Variants in LCA5 observed in about 807,000 individuals in gnomAD.
The protein encoded by LCA5 is lebercilin LCA5, also known as lebercilin.
Under a neutral mutation model 53.0 loss-of-function variants are expected in LCA5, and 37 were observed. The ratio of observed to expected loss-of-function variants is 0.70; its 90% CI spans 0.54 to 0.92. The LOEUF (loss-of-function observed/expected upper bound fraction) is 0.92, where lower values mean the gene tolerates loss of function less well. Ranked by LOEUF, LCA5 falls within the 40% of genes least tolerant of loss-of-function variation. The probability of loss-of-function intolerance (pLI) is 0.00; values close to 1 mark genes in which losing one functional copy is unlikely to be tolerated. For missense variants in LCA5, 806 were observed against 790.5 expected (o/e 1.02, Z -0.23); for synonymous variants, 303 against 282.9 (o/e 1.07, Z -0.71).
rs762961192 is a variant in LCA5 at position 79,486,532 on chromosome 6, T to C, written c.*472A>G. On this transcript the variant is annotated 3_prime_UTR_variant, in exon 8 of 8. Coordinates refer to ENST00000369846, the MANE Select transcript of LCA5 (RefSeq NM_001122769.3). ...CGTAAGATAGGGACCCCTGGCCCTA[T>C]CCATAAAGGGAAGGGCTCCTAAGAA... is the stretch of plus-strand genomic sequence containing the variant. 4 of 157,870 alleles carry C rather than the reference T, an allele frequency of 2.5e-5. No homozygotes were observed. The highest frequency in any genetic ancestry group is 4.2e-5 in the Non-Finnish European group (3 of 72,204). The allele number at this position is 157,870 out of a possible 1,614,324, so 9.8% of individuals were successfully genotyped here.
chr6:79,499,850 C>T (rs2127672704), intron 3 of LCA5, among the ~76,000 whole-genome samples: 1 of 151,382 alleles, frequency 6.6e-6, no homozygotes, highest in East Asian at 1.9e-4. Context: ...CCCCCACTCC[C>T]CCCACCCCAC....
chr6:79,524,765 A>C (rs192284383), intron 1 of LCA5, among the ~76,000 whole-genome samples: 1 of 152,120 alleles, frequency 6.6e-6, no homozygotes, highest in East Asian at 1.9e-4. Context: ...GTTATACTGA[A>C]ATTTCACAAG....
chr6:79,533,152 C>T (rs116210277), intron 1 of LCA5, among the ~76,000 whole-genome samples: 1 of 152,136 alleles, frequency 6.6e-6, no homozygotes, highest in Non-Finnish European at 1.5e-5. Flanking sequence ...AGGAATTTCA[C>T]CTGCAGTTAC....
intron 1 of LCA5, 34 bp from the exon 2 acceptor site, chr6:79,519,119 T>A (rs1258761276): frequency 5.2e-6 from 3 of 571,668 alleles, no homozygotes; most frequent in Non-Finnish European, 9.3e-6. Flanking sequence ...AGACTTATCA[T>A]ACAGTCTCTA....
At chr6:79,510,951 C>T (rs1770394744) in intron 3 of LCA5, among the ~76,000 whole-genome samples, 1 of 151,912 alleles carries the variant, frequency 6.6e-6, no homozygotes, top group African/African-American at 2.4e-5. Flanking sequence ...AACTGGACCA[C>T]TTATACACTA....
chr6:79,487,244 G>A lies in LCA5; in HGVS notation c.1854C>T (p.Ser618=), dbSNP rs1302589206. The A allele has an allele frequency of 2.5e-6, 4 of 1,613,936 alleles. No homozygotes were observed. Among genetic ancestry groups the A allele is most frequent in the Non-Finnish European group, 3.4e-6 (4 of 1,179,962 alleles). ...LFGASGSSTI[S]SKSSDPNSVA... is the part of the protein sequence containing the mutation. ...CAGAATTTGGGTCACTGCTTTTGGA[G>A]GAAATGGTGCTGCTACCACTGGCAC... Residue 618 remains serine (S), a synonymous_variant, in exon 8 of 8, where the codon TCC becomes TCT. Coordinates refer to ENST00000369846, the MANE Select transcript of LCA5 (RefSeq NM_001122769.3).
intron 3 of LCA5, among the ~76,000 whole-genome samples, chr6:79,506,858 T>C (rs943177117): frequency 5.3e-5 from 8 of 152,210 alleles, no homozygotes; most frequent in African/African-American, 1.9e-4. Context: ...GGAAAGTCTG[T>C]ATAACTCAAT....
At chr6:79,516,484 T>A (rs1037536879) in intron 2 of LCA5, among the ~76,000 whole-genome samples, 1 of 151,902 alleles carries the variant, frequency 6.6e-6, no homozygotes, top group African/African-American at 2.4e-5. Flanking sequence ...CTAATAAGAA[T>A]CAGGATAAAA....
At chr6:79,524,414 C>A (rs1766720892) in intron 1 of LCA5, among the ~76,000 whole-genome samples, 2 of 152,184 alleles carry the variant, frequency 1.3e-5, no homozygotes, top group South Asian at 4.1e-4. Context: ...ACACTTGTTA[C>A]TTTTCATACA....
intron 2 of LCA5, among the ~76,000 whole-genome samples, chr6:79,516,814 C>CT (rs1562108287): frequency 6.6e-6 from 1 of 151,544 alleles, no homozygotes; most frequent in African/African-American, 2.4e-5. Flanking sequence ...TAATATGACT[C>CT]TTTTTTTAAC....
At chr6:79,529,403 C>T (rs1433670523) in intron 1 of LCA5, among the ~76,000 whole-genome samples, 1 of 152,154 alleles carries the variant, frequency 6.6e-6, no homozygotes, top group Non-Finnish European at 1.5e-5. Context: ...TGTAACAAAC[C>T]GCAGGGCTCA....
chr6:79,519,625 G>A (rs1483351938), intron 1 of LCA5, among the ~76,000 whole-genome samples: 3 of 150,808 alleles, frequency 2.0e-5, no homozygotes, highest in Non-Finnish European at 2.9e-5. Context: ...GCTGAGGCAG[G>A]AGAATCGCTC....
intron 7 of LCA5, 45 bp from the exon 8 acceptor site, chr6:79,487,911 T>C (rs1220034805): frequency 1.4e-6 from 2 of 1,412,898 alleles, no homozygotes; most frequent in Non-Finnish European, 2.0e-6. Context: ...TAACAGTCAA[T>C]ATTTTTAAAT....
intron 2 of LCA5, among the ~76,000 whole-genome samples, chr6:79,517,996 C>T (rs1401686049): frequency 2.0e-5 from 3 of 151,916 alleles, no homozygotes. Context: ...CCTCATTTGC[C>T]TTATTTTTCT....
intron 1 of LCA5, among the ~76,000 whole-genome samples, chr6:79,531,607 C>T (rs1766961000): frequency 6.6e-6 from 1 of 152,180 alleles, no homozygotes; most frequent in Non-Finnish European, 1.5e-5. Context: ...ATTCACCTTC[C>T]CAAATCCATC....
At chr6:79,499,751 T>C (rs956034142) in intron 3 of LCA5, among the ~76,000 whole-genome samples, 2 of 151,624 alleles carry the variant, frequency 1.3e-5, no homozygotes, top group Admixed American at 6.6e-5. Context: ...ATGTGCAGGT[T>C]AGTTACATAT....
chr6:79,534,936 G>A (rs950315305), intron 1 of LCA5, among the ~76,000 whole-genome samples: 1 of 152,112 alleles, frequency 6.6e-6, no homozygotes, highest in African/African-American at 2.4e-5. Flanking sequence ...ATTCAGAATT[G>A]GCATATGCGG....
chr6:79,523,880 A>G (rs188645180), intron 1 of LCA5, among the ~76,000 whole-genome samples: 2 of 152,320 alleles, frequency 1.3e-5, no homozygotes, highest in East Asian at 3.9e-4. Context: ...CTGCTCCCTG[A>G]AACAACCATT....
At chr6:79,521,837 A>G (rs1025317282) in intron 1 of LCA5, among the ~76,000 whole-genome samples, 15 of 152,164 alleles carry the variant, frequency 9.9e-5, no homozygotes, top group African/African-American at 3.1e-4. Context: ...ATCTAAGAAT[A>G]TAGCAACCTG....
Sources: gnomAD v4.1 joint callset for allele counts (sites outside exome capture counted in the v4.1 genomes callset) on GRCh38, gnomAD v4.1.1 for gene constraint, MANE v1.5 for transcripts, NCBI Gene and HGNC (gene_info 2026-07-23, HGNC 2026-07-21) for gene names.